Variants in TNS2 observed in about 807,000 individuals in gnomAD.
TNS2 encodes the protein tensin 2.
A neutral mutation model predicts 155.7 loss-of-function variants in TNS2; 77 were observed. That is an observed-to-expected ratio of 0.49 (90% CI 0.41 to 0.60). The LOEUF (loss-of-function observed/expected upper bound fraction) is 0.60. Among genes scored for constraint, TNS2 ranks in the 20% least tolerant of loss-of-function variants. The pLI is 0.00. For synonymous variants in TNS2, 726 were observed against 763.9 expected, an observed-to-expected ratio of 0.95 and a Z score of 0.82; for missense variants, 1,703 against 1,868.8, an observed-to-expected ratio of 0.91 and a Z score of 1.64.
At position 53,054,282 on chromosome 12, in the gene TNS2, G is replaced by A; in HGVS notation, c.363G>A (p.Leu121=). 2 of 1,613,148 alleles carry A rather than the reference G, an allele frequency of 1.2e-6. No individual in the cohort carries two copies. Among genetic ancestry groups the A allele is most frequent in the Middle Eastern group, 1.7e-4 (1 of 6,058 alleles). ...QRSTLPRSFS[L]DPLMERRWDL... is the part of the protein sequence containing the mutation. ...TCCTCCTCCCCAGGAGCTTCAGCCT[G>A]GACCCGCTCATGGAGCGGCGCTGGG... The change falls in exon 7 of 29, where the codon CTG becomes CTA. Residue 121 remains leucine, a synonymous_variant. Transcript: ENST00000314250.
Position 53,060,667 on chromosome 12 carries a change from C to T in TNS2, c.2769-8C>T. On this transcript the variant is annotated splice_region_variant and splice_polypyrimidine_tract_variant and intron_variant, in intron 19 of 28. Coordinates refer to ENST00000314250, the MANE Select transcript of TNS2 (RefSeq NM_170754.4). This position sits in a 1 kb window ranked among gnomAD's most constrained non-coding sequence, Gnocchi z 6.1. The stretch of plus-strand genomic sequence containing the variant: ...GCTCTGCTGACCATCTGCCCTTCCA[C>T]CCTACAGCACCCGGCGACAGGACAC... 6.3e-7 allele frequency: 1 copy of T among 1,578,084 alleles called. No individual in the cohort carries two copies. The highest frequency in any genetic ancestry group is 1.1e-5 in the South Asian group (1 of 87,794).
Position 53,061,956 on chromosome 12 carries a change from A to G in TNS2, c.3574+16A>G, listed in dbSNP as rs1944396751. On this transcript the variant is annotated intron_variant, in intron 22 of 28. Transcript: ENST00000314250. ...CCCTGGAAAGGTACAGAACACCCAA[A>G]CCTGAGTGGGGTGGGGATGAAGTTG... 6.2e-7 allele frequency: 1 copy of G among 1,609,510 alleles called. No individual in the cohort carries two copies. Among genetic ancestry groups the G allele is most frequent in the Non-Finnish European group, 8.5e-7 (1 of 1,177,650 alleles).
rs1476820163 is a variant in TNS2 at position 53,050,178 on chromosome 12, C to A, written c.-8C>A. On this transcript the variant is annotated 5_prime_UTR_variant, in exon 1 of 29. Coordinates refer to ENST00000314250, the MANE Select transcript of TNS2 (RefSeq NM_170754.4). The surrounding 1 kb of genome is among the most constrained non-coding windows in gnomAD (Gnocchi z 4.7). The stretch of plus-strand genomic sequence containing the variant: ...CCCTGGGGCCAGCACCCCAGCCAGC[C>A]GAACACCATGAAGTCCAGCGGCCCT... 1.2e-6 allele frequency: 2 copies of A among 1,610,328 alleles called. No homozygotes were observed. The highest frequency in any genetic ancestry group is 1.1e-5 in the South Asian group (1 of 90,432).
intron 21 of TNS2, 124 bp from the exon 22 acceptor site, chr12:53,061,691 T>TA: frequency 6.7e-7 from 1 of 1,499,916 alleles, no homozygotes; most frequent in Non-Finnish European, 9.0e-7. Context: ...CTCAGACTCT[T>TA]ACCGCCACCA....
intron 3 of TNS2, among the ~76,000 whole-genome samples, chr12:53,052,761 G>A (rs1254870889): frequency 6.6e-6 from 1 of 151,472 alleles, no homozygotes; most frequent in Non-Finnish European, 1.5e-5. Flanking sequence ...GAGAGGATGG[G>A]GGTGGGGAAG....
chr12:53,061,984 G>A, intron 22 of TNS2, 44 bp downstream of exon 22: 2 of 1,609,220 alleles, frequency 1.2e-6, no homozygotes, highest in Non-Finnish European at 1.7e-6. Context: ...TGAAGTTGGG[G>A]GTGGTGCCAG....
chr12:53,062,915 T>C, intron 25 of TNS2, 174 bp from the exon 26 acceptor site: 1 of 995,512 alleles, frequency 1.0e-6, no homozygotes, highest in Non-Finnish European at 1.4e-6. Context: ...GCAGGGAGGC[T>C]TCTCTGCCTC....
chr12:53,049,362 A>C, upstream of TNS2: 7 of 876,404 alleles, frequency 8.0e-6, no homozygotes, highest in East Asian at 6.2e-5. Flanking sequence ...GTCTGAAACA[A>C]AGCCAGGGAA....
rs1325582197 is a variant in TNS2 at position 53,054,369 on chromosome 12, T to A, written c.450T>A (p.Asp150Glu). 6.2e-7 allele frequency: 1 copy of A among 1,612,482 alleles called. No individual in the cohort carries two copies. The highest frequency in any genetic ancestry group is 1.7e-5 in the Admixed American group (1 of 59,660). ...CCGCCGCCTTCCCCGCGCGGCCCGA[T>A]GAACAGCGGCACCGGGGCCACCTGC... ...ILAAAFPARPDEQRHRGHLRE... is the reference protein window; with the variant it reads ...ILAAAFPARPEEQRHRGHLRE... The change falls in exon 7 of 29, where the codon GAT (aspartate) becomes GAA (glutamate). Residue 150 changes from aspartate (D) to glutamate (E), a missense_variant. Physicochemically the swap from Asp to Glu is conservative, Grantham distance 45. Coordinates refer to ENST00000314250, the MANE Select transcript of TNS2 (RefSeq NM_170754.4).
In TNS2 at chr12:53,060,153, T is replaced by C; in HGVS notation, c.2512T>C (p.Tyr838His). 6.2e-7 allele frequency: 1 copy of C among 1,609,110 alleles called. No homozygotes were observed. Among genetic ancestry groups the C allele is most frequent in the Non-Finnish European group, 8.5e-7 (1 of 1,177,742 alleles). ...AGSISPGSPPYPQSRKLSYEI... is the reference protein window; with the variant it reads ...AGSISPGSPPHPQSRKLSYEI... ...CTCCATTTCCCCGGGCAGCCCGCCC[T>C]ATCCACAATCTAGGAAGCTGAGCTA... Residue 838 changes from tyrosine (Y) to histidine (H), a missense_variant, in exon 18 of 29, where the codon TAT (tyrosine) becomes CAT (histidine). Transcript: ENST00000314250. This position sits in a 1 kb window ranked among gnomAD's most constrained non-coding sequence, Gnocchi z 6.1.
chr12:53,057,453 T>C, intron 11 of TNS2, 114 bp from the exon 12 acceptor site: 1 of 828,056 alleles, frequency 1.2e-6, no homozygotes, highest in Non-Finnish European at 1.9e-6. Flanking sequence ...ACCCGGAAGA[T>C]GGGAAGGAAG....
Position 53,053,402 on chromosome 12 carries a change from C to G in TNS2, c.223-9C>G. On this transcript the variant is annotated splice_polypyrimidine_tract_variant and intron_variant, in intron 3 of 28. Transcript: ENST00000314250. Reference sequence around the variant, plus strand: ...CAGGAGCTCAGTTCCTTACTCGGTCCCCTTCCAGGTGACTTCAGCCTGTCA... The same window carrying G: ...CAGGAGCTCAGTTCCTTACTCGGTCGCCTTCCAGGTGACTTCAGCCTGTCA... The G allele has an allele frequency of 6.2e-7, 1 of 1,614,002 alleles. No individual in the cohort carries two copies. Among genetic ancestry groups the G allele is most frequent in the African/African-American group, 1.3e-5 (1 of 75,006 alleles).
At position 53,062,603 on chromosome 12, in the gene TNS2, G is replaced by A; in HGVS notation, c.3746-17G>A. 1 of 1,613,542 alleles carries A rather than the reference G, an allele frequency of 6.2e-7. No individual in the cohort carries two copies. Among genetic ancestry groups the A allele is most frequent in the Non-Finnish European group, 8.5e-7 (1 of 1,179,554 alleles). On this transcript the variant is annotated splice_polypyrimidine_tract_variant and intron_variant, in intron 24 of 28. Transcript: ENST00000314250. ...CTCTGCCTTCTGAGCTTCCCTGTCG[G>A]TTCTCATTGCCCTCAGATCCTCTGG...
Position 53,061,107 on chromosome 12 carries a change from C to T in TNS2, c.3201C>T (p.Gly1067=). ...FPLAASYDTN[G]LSQPPLPEKR... ...TGGCTGCCTCCTATGACACCAATGG[C>T]CTTAGCCAGCCCCCACTTCCTGAGA... The change falls in exon 20 of 29, where the codon GGC becomes GGT. Residue 1067 remains glycine, a synonymous_variant. Coordinates refer to ENST00000314250, the MANE Select transcript of TNS2 (RefSeq NM_170754.4). 1 of 1,610,974 alleles carries T rather than the reference C, an allele frequency of 6.2e-7. No individual in the cohort carries two copies. The highest frequency in any genetic ancestry group is 1.7e-4 in the Middle Eastern group (1 of 6,042).
chr12:53,061,757 G>T, intron 21 of TNS2, 58 bp from the exon 22 acceptor site: 1 of 1,567,346 alleles, frequency 6.4e-7, no homozygotes, highest in Non-Finnish European at 8.7e-7. Context: ...GGCTGCATGG[G>T]GCTCAGTCCA....
intron 3 of TNS2, among the ~76,000 whole-genome samples, chr12:53,052,715 C>G (rs1169995287): frequency 2.1e-5 from 3 of 145,850 alleles, no homozygotes; most frequent in African/African-American, 7.5e-5. Context: ...AGCAAGACAG[C>G]GTTTGTCTTG....
upstream of TNS2, chr12:53,048,892 A>G: frequency 3.1e-6 from 1 of 327,854 alleles, no homozygotes; most frequent in Non-Finnish European, 5.5e-6. Context: ...GGGCTGGGGG[A>G]GTTGCCTGAG....
In TNS2 at chr12:53,058,714, G is replaced by T; in HGVS notation, c.1292G>T (p.Gly431Val). The change falls in exon 17 of 29, where the codon GGC becomes GTC. Residue 431 changes from glycine (G) to valine (V), a missense_variant and splice_region_variant. Gly to Val is a moderately radical substitution (Grantham distance 109). Transcript: ENST00000314250. ...CCAATACCCGAGTGGCCTTCCACAGGCAGCACTCCACGGAACGACCCCTCG... is the reference window on the plus strand; with the variant it reads ...CCAATACCCGAGTGGCCTTCCACAGTCAGCACTCCACGGAACGACCCCTCG... ...VFSSSPEKIK[G>V]STPRNDPSVS... The T allele has an allele frequency of 6.2e-7, 1 of 1,614,036 alleles. No homozygotes were observed. Among genetic ancestry groups the T allele is most frequent in the African/African-American group, 1.3e-5 (1 of 75,000 alleles).
chr12:53,048,777 G>A (rs1317352304), upstream of TNS2, among the ~76,000 whole-genome samples: 1 of 152,226 alleles, frequency 6.6e-6, no homozygotes, highest in East Asian at 1.9e-4. Flanking sequence ...GGCACCCACA[G>A]CAGGCCTCAC....
Sources: allele counts gnomAD v4.1 joint callset (sites outside exome capture counted in the v4.1 genomes callset), GRCh38; gene constraint gnomAD v4.1.1; non-coding constraint Gnocchi (gnomAD v3.1); transcripts MANE v1.5; gene names NCBI Gene and HGNC (gene_info 2026-07-23, HGNC 2026-07-21).